FAF1: variants seen among roughly 807,000 people sequenced by gnomAD.
FAF1 encodes the protein Fas associated factor 1, also known as FAS-associated factor 1.
FAF1 carries 25 observed loss-of-function variants against 92.5 expected under a neutral mutation model. The ratio of observed to expected loss-of-function variants is 0.27; its 90% CI spans 0.20 to 0.38. The LOEUF (loss-of-function observed/expected upper bound fraction) is 0.38. Ranked by LOEUF, FAF1 falls within the 10% of genes least tolerant of loss-of-function variation. The pLI is 1.00. For missense variants in FAF1, 636 were observed against 793.3 expected (o/e 0.80, Z 2.38); for synonymous variants, 234 against 273.2 (o/e 0.86, Z 1.42).
chr1:50,669,394 G>T (rs1396065167), intron 7 of FAF1, among the ~76,000 whole-genome samples: 1 of 152,176 alleles, frequency 6.6e-6, no homozygotes, highest in Non-Finnish European at 1.5e-5. Context: ...CACATGGAGA[G>T]ACACTGTCAT....
chr1:50,554,908 C>T (rs1234135500), intron 13 of FAF1, among the ~76,000 whole-genome samples: 1 of 152,040 alleles, frequency 6.6e-6, no homozygotes, highest in African/African-American at 2.4e-5. Flanking sequence ...CCTGACTGAG[C>T]CTTACTTCTC....
intron 5 of FAF1, among the ~76,000 whole-genome samples, chr1:50,739,515 A>T (rs1659302393): frequency 6.6e-6 from 1 of 152,198 alleles, no homozygotes; most frequent in Non-Finnish European, 1.5e-5. Flanking sequence ...TCTTTAGCTC[A>T]TGAAGCAACA....
At chr1:50,722,083 T>C (rs1173273347) in intron 6 of FAF1, among the ~76,000 whole-genome samples, 1 of 152,172 alleles carries the variant, frequency 6.6e-6, no homozygotes, top group Admixed American at 6.5e-5. Context: ...TTTTTCTACT[T>C]TGAAAACAAA....
chr1:50,580,197 CTTGT>C (rs1053400808), intron 12 of FAF1, among the ~76,000 whole-genome samples: 5 of 151,724 alleles, frequency 3.3e-5, no homozygotes, highest in African/African-American at 7.3e-5. Context: ...TTATTTTATA[CTTGT>C]TTGTTTTTGT....
At chr1:50,774,432 G>GGTTT (rs1660881562) in intron 4 of FAF1, among the ~76,000 whole-genome samples, 1 of 152,000 alleles carries the variant, frequency 6.6e-6, no homozygotes, top group African/African-American at 2.4e-5. Flanking sequence ...GACAAAACCT[G>GGTTT]GTTTGAAACA....
At chr1:50,832,809 T>A (rs1325238608) in intron 2 of FAF1, among the ~76,000 whole-genome samples, 1 of 152,196 alleles carries the variant, frequency 6.6e-6, no homozygotes, top group Non-Finnish European at 1.5e-5. Flanking sequence ...TGAAAATAAC[T>A]ATGTCTCTAG....
At chr1:50,933,307 T>C (rs1645062709) in intron 1 of FAF1, among the ~76,000 whole-genome samples, 1 of 152,212 alleles carries the variant, frequency 6.6e-6, no homozygotes, top group Admixed American at 6.5e-5. Flanking sequence ...AAGTCACCTT[T>C]TGAATGCCTT....
At chr1:50,637,273 TAAAAAAAA>T (rs1172030649) in intron 8 of FAF1, among the ~76,000 whole-genome samples, 5 of 97,262 alleles carry the variant, frequency 5.1e-5, no homozygotes, top group Non-Finnish European at 8.0e-5. Context: ...CCATTTCTAC[TAAAAAAAA>T]AAAAAAAAAA....
In FAF1 at chr1:50,959,892, ACCGCCGCCG is replaced by A. The variant is rs532415159; in HGVS notation, c.-90_-82del. 2.4e-5 allele frequency: 22 copies of A among 911,338 alleles called. No individual in the cohort carries two copies. Among genetic ancestry groups the A allele is most frequent in the African/African-American group, 3.5e-5 (2 of 57,054 alleles). The allele number at this position is 911,338 out of a possible 1,614,324, so 56.5% of individuals were successfully genotyped here. ...GGCACCTCCTGCGACCGTCGCCGCC[ACCGCCGCCG>A]CCGCCGCCGGGCGCCGAGGGGCTGG... On this transcript the variant is annotated 5_prime_UTR_variant, in exon 1 of 19. Transcript: ENST00000396153.
intron 1 of FAF1, among the ~76,000 whole-genome samples, chr1:50,957,355 T>C (rs867319569): frequency 2.9e-4 from 30 of 104,748 alleles, no homozygotes; most frequent in African/African-American, 9.0e-4. Context: ...TTCTTTTTTT[T>C]TTTTTTTTTT....
intron 15 of FAF1, among the ~76,000 whole-genome samples, chr1:50,494,738 G>A (rs1366258002): frequency 6.6e-6 from 1 of 152,158 alleles, no homozygotes; most frequent in Admixed American, 6.5e-5. Context: ...TATTTCATAT[G>A]TCTTCGTATT....
At chr1:50,756,562 A>C (rs897951565) in intron 4 of FAF1, among the ~76,000 whole-genome samples, 6 of 152,174 alleles carry the variant, frequency 3.9e-5, no homozygotes, top group African/African-American at 1.2e-4. Flanking sequence ...CCACATTTTC[A>C]GGTATCTTTT....
intron 2 of FAF1, among the ~76,000 whole-genome samples, chr1:50,829,700 C>A (rs1644135499): frequency 6.6e-6 from 1 of 152,190 alleles, no homozygotes; most frequent in African/African-American, 2.4e-5. Context: ...CCTACACACC[C>A]TTCTCTTTTT....
At chr1:50,748,638 A>G (rs1252441746) in intron 4 of FAF1, among the ~76,000 whole-genome samples, 4 of 152,238 alleles carry the variant, frequency 2.6e-5, no homozygotes, top group Non-Finnish European at 5.9e-5. Flanking sequence ...CTACTTATAA[A>G]TTAATCAGCT....
At chr1:50,567,540 G>A (rs771729443) in intron 12 of FAF1, among the ~76,000 whole-genome samples, 9 of 151,948 alleles carry the variant, frequency 5.9e-5, no homozygotes, top group Non-Finnish European at 8.8e-5. Flanking sequence ...TAAAGGAAAT[G>A]GATTTACTAT....
In FAF1 at chr1:50,643,698, T is replaced by C. The variant is rs1167186568; in HGVS notation, c.744+11744A>G. Among the ~76,000 whole-genome samples the C allele has an allele frequency of 2.6e-5, 4 of 152,192 alleles. No homozygotes were observed. In the East Asian group the frequency reaches 7.7e-4, roughly 29 times the overall value. ...ACCTCCGCCTCCCAGATTCAAGCAATTCTCCTGCCTCAGTGTCCTGAGTAG... is the reference window on the plus strand; with the variant it reads ...ACCTCCGCCTCCCAGATTCAAGCAACTCTCCTGCCTCAGTGTCCTGAGTAG... On this transcript the variant is annotated intron_variant, in intron 8 of 18. Coordinates refer to ENST00000396153, the MANE Select transcript of FAF1 (RefSeq NM_007051.3).
chr1:50,611,972 T>C (rs1569577268), intron 8 of FAF1, among the ~76,000 whole-genome samples: 1 of 152,160 alleles, frequency 6.6e-6, no homozygotes, highest in South Asian at 2.1e-4. Flanking sequence ...GAGCAGGAAA[T>C]TCAACAGAAG....
At chr1:50,895,098 G>A (rs910488823) in intron 1 of FAF1, among the ~76,000 whole-genome samples, 1 of 151,772 alleles carries the variant, frequency 6.6e-6, no homozygotes, top group Non-Finnish European at 1.5e-5. Context: ...CTAAAAGCTG[G>A]TTTTTAGAAA....
intron 17 of FAF1, among the ~76,000 whole-genome samples, chr1:50,481,192 T>C (rs1032059566): frequency 3.9e-5 from 6 of 152,164 alleles, no homozygotes; most frequent in African/African-American, 1.4e-4. Flanking sequence ...TATTCATTGC[T>C]GAAAAAAGAA....
Sources: gnomAD v4.1 joint callset for allele counts (sites outside exome capture counted in the v4.1 genomes callset) on GRCh38, gnomAD v4.1.1 for gene constraint, MANE v1.5 for transcripts, NCBI Gene and HGNC (gene_info 2026-07-23, HGNC 2026-07-21) for gene names.